C14orf39: variants seen among roughly 807,000 people sequenced by gnomAD.
C14orf39 encodes the protein protein SIX6OS1.
In C14orf39, 66 loss-of-function variants were observed where a neutral mutation model predicts 85.6. The ratio of observed to expected loss-of-function variants is 0.77; its 90% CI spans 0.63 to 0.95. The LOEUF (loss-of-function observed/expected upper bound fraction) is 0.95. Ranked by LOEUF, C14orf39 falls within the 40% of genes least tolerant of loss-of-function variation. The pLI is 0.00. For missense variants in C14orf39, 735 were observed against 663.9 expected, an observed-to-expected ratio of 1.11 and a Z score of -1.18; for synonymous variants, 242 against 214.0, an observed-to-expected ratio of 1.13 and a Z score of -1.14.
At chr14:60,455,719 G>T (rs1356304182) in intron 15 of C14orf39, among the ~76,000 whole-genome samples, 1 of 152,098 alleles carries the variant, frequency 6.6e-6, no homozygotes, top group East Asian at 1.9e-4. Flanking sequence ...CTATTCTAAT[G>T]TTGATTAGTT....
intron 9 of C14orf39, among the ~76,000 whole-genome samples, chr14:60,467,272 AG>A (rs1332830604): frequency 6.6e-6 from 1 of 151,822 alleles, no homozygotes; most frequent in African/African-American, 2.4e-5. Flanking sequence ...TTCTCAATAT[AG>A]TCCACTCTTA....
At chr14:60,466,875 G>T in intron 10 of C14orf39, 42 bp downstream of exon 10, 1 of 1,417,540 alleles carries the variant, frequency 7.1e-7, no homozygotes, top group Non-Finnish European at 9.3e-7. Context: ...CTGTGTGTTT[G>T]CAAAAAAAAT....
chr14:60,509,502 G>A (rs1893256975), intron 1 of C14orf39: 2 of 1,604,074 alleles, frequency 1.2e-6, no homozygotes, highest in Admixed American at 1.7e-5. Context: ...CGCTTCCTCT[G>A]GTCGCTGCCC....
intron 1 of C14orf39, chr14:60,510,106 C>G: frequency 1.3e-6 from 1 of 790,114 alleles, no homozygotes; most frequent in Non-Finnish European, 2.1e-6. Context: ...GGGTTAAGAG[C>G]CCTGCGTTCT....
chr14:60,494,627 G>A (rs1474664987), intron 2 of C14orf39: 1 of 152,224 alleles, frequency 6.6e-6, no homozygotes, highest in Non-Finnish European at 1.5e-5. Flanking sequence ...AGCATTGGGA[G>A]ACTCTGATGT....
At chr14:60,509,601 G>C (rs761590129) in intron 1 of C14orf39, 4 of 1,613,274 alleles carry the variant, frequency 2.5e-6, no homozygotes, top group Non-Finnish European at 3.4e-6. Context: ...GGCAACTACC[G>C]CGAGCTCTAT....
chr14:60,457,012 C>G lies in C14orf39; in HGVS notation c.1263G>C (p.Thr421=), dbSNP rs746977921. Residue 421 remains threonine (T), a synonymous_variant, in exon 15 of 18, where the codon ACG becomes ACC. Transcript: ENST00000321731. ...TTCCTAAAAATATAGGAATTTCAGA[C>G]GTTCGTGGAAAATTCTCAGCTCTCT... ...VEERAENFPR[T]SEIPIFLGTP... 16 of 1,610,714 alleles carry G rather than the reference C, an allele frequency of 9.9e-6. No homozygotes were observed. The South Asian group carries it at 1.8e-4, about 18-fold the overall frequency.
intron 16 of C14orf39, 145 bp downstream of exon 16, chr14:60,454,856 C>T (rs1891196402): frequency 5.6e-6 from 3 of 538,888 alleles, no homozygotes; most frequent in African/African-American, 2.0e-5. Context: ...TAATAGGGAA[C>T]TTTGTCATAC....
chr14:60,513,603 A>C (rs1251417994), intron 1 of C14orf39, among the ~76,000 whole-genome samples: 1 of 152,172 alleles, frequency 6.6e-6, no homozygotes, highest in African/African-American at 2.4e-5. Context: ...TTTGTTGGCA[A>C]ATTTTCTCTT....
Position 60,484,285 on chromosome 14 carries a change from G to A in C14orf39, c.107-468C>T, listed in dbSNP as rs1892781891. ...CTAGTGATTAAATAGAAGATAAAATGGACATAATTTCTTAAAAAGATTAAA... is the reference window on the plus strand; with the variant it reads ...CTAGTGATTAAATAGAAGATAAAATAGACATAATTTCTTAAAAAGATTAAA... On this transcript the variant is annotated intron_variant, in intron 3 of 17. Transcript: ENST00000321731. This position sits in a 1 kb window ranked among gnomAD's most constrained non-coding sequence, Gnocchi z 4.2. Among the ~76,000 whole-genome samples the A allele has an allele frequency of 6.6e-6, 1 of 152,136 alleles. No individual in the cohort carries two copies. The highest frequency in any genetic ancestry group is 1.9e-4 in the East Asian group (1 of 5,186).
chr14:60,493,273 A>G (rs961601803), intron 2 of C14orf39, among the ~76,000 whole-genome samples: 1 of 152,184 alleles, frequency 6.6e-6, no homozygotes, highest in Non-Finnish European at 1.5e-5. Context: ...AGTATTTTGG[A>G]GTTTTTTTTA....
chr14:60,446,080 T>G lies in C14orf39; in HGVS notation c.1504-3949A>C, dbSNP rs966347706. Reference sequence around the variant, plus strand: ...TTAAAGCAGTGTGTAGAGGGAAATTTATAGTACTAAAAACTCCCAAGAGAA... The same window carrying G: ...TTAAAGCAGTGTGTAGAGGGAAATTGATAGTACTAAAAACTCCCAAGAGAA... On this transcript the variant is annotated intron_variant, in intron 16 of 17. Transcript: ENST00000321731. Among the ~76,000 whole-genome samples the G allele has an allele frequency of 4.1e-4, 62 of 152,298 alleles. 1 individual carries two copies. Among genetic ancestry groups the G allele is most frequent in the African/African-American group, 1.3e-3 (56 of 41,562 alleles).
chr14:60,510,073 G>C, intron 1 of C14orf39: 1 of 1,042,312 alleles, frequency 9.6e-7, no homozygotes, highest in Non-Finnish European at 1.5e-6. Flanking sequence ...AATTCAGCAG[G>C]AGTTGGGAGC....
At chr14:60,474,480 G>A (rs1355383688) in intron 5 of C14orf39, among the ~76,000 whole-genome samples, 2 of 112,988 alleles carry the variant, frequency 1.8e-5, no homozygotes, top group African/African-American at 5.8e-5. Flanking sequence ...TCTTGTGCCA[G>A]TTTTCAAAGG....
chr14:60,507,050 C>T (rs534904886), intron 1 of C14orf39, among the ~76,000 whole-genome samples: 1 of 152,294 alleles, frequency 6.6e-6, no homozygotes, highest in East Asian at 1.9e-4. Context: ...ACCTCAGCAG[C>T]TAGGCGCTGG....
chr14:60,441,679 T>G (rs575903417), intron 17 of C14orf39, among the ~76,000 whole-genome samples: 19 of 152,238 alleles, frequency 1.2e-4, no homozygotes, highest in African/African-American at 4.6e-4. Flanking sequence ...TATATTAATA[T>G]GTTGAATGAA....
At chr14:60,502,127 T>C (rs185057542) in intron 1 of C14orf39, among the ~76,000 whole-genome samples, 1 of 152,330 alleles carries the variant, frequency 6.6e-6, no homozygotes, top group East Asian at 1.9e-4. Context: ...TAAAATACCA[T>C]TATAGTGACA....
intron 16 of C14orf39, among the ~76,000 whole-genome samples, chr14:60,442,566 G>C (rs1890570564): frequency 6.6e-6 from 1 of 152,100 alleles, no homozygotes; most frequent in South Asian, 2.1e-4. Flanking sequence ...TGACAGCATA[G>C]TTTTCTGTGC....
chr14:60,472,065 T>C (rs997529413), intron 5 of C14orf39, among the ~76,000 whole-genome samples: 2 of 152,076 alleles, frequency 1.3e-5, no homozygotes, highest in Admixed American at 6.6e-5. Flanking sequence ...CTCATCCTAA[T>C]TGACACTGCA....
Sources: gnomAD v4.1 joint callset for allele counts (sites outside exome capture counted in the v4.1 genomes callset) on GRCh38, gnomAD v4.1.1 for gene constraint, Gnocchi (gnomAD v3.1) non-coding constraint, MANE v1.5 for transcripts, NCBI Gene and HGNC (gene_info 2026-07-23, HGNC 2026-07-21) for gene names.